STARD3NL: variants seen among roughly 807,000 people sequenced by gnomAD.
STARD3NL encodes the protein STARD3 N-terminal like.
Under a neutral mutation model 30.9 loss-of-function variants are expected in STARD3NL, and 17 were observed. That is an observed-to-expected ratio of 0.55 (90% CI 0.38 to 0.82). The LOEUF (loss-of-function observed/expected upper bound fraction) is 0.82, where lower values mean the gene tolerates loss of function less well. STARD3NL is among the 40% of genes least tolerant of loss of function. The pLI is 0.00. For synonymous variants in STARD3NL, 112 were observed against 100.5 expected, an observed-to-expected ratio of 1.11 and a Z score of -0.69; for missense variants, 234 against 277.6, an observed-to-expected ratio of 0.84 and a Z score of 1.12.
chr7:38,178,875 A>AAAAAG (rs1784131944), intron 1 of STARD3NL, among the ~76,000 whole-genome samples: 1 of 151,728 alleles, frequency 6.6e-6, no homozygotes, highest in Non-Finnish European at 1.5e-5. Context: ...AAAAAAAAAA[A>AAAAAG]AAAGAAAGAA....
rs542779227 is a variant in STARD3NL at position 38,195,126 on chromosome 7, C to T, written c.-58-12321C>T. Among the ~76,000 whole-genome samples, 9 of 152,234 alleles carry T rather than the reference C, an allele frequency of 5.9e-5. No individual in the cohort carries two copies. The East Asian group carries it at 9.6e-4, about 16-fold the overall frequency. On this transcript the variant is annotated intron_variant, in intron 1 of 8. Transcript: ENST00000009041. ...AGGCTGGAGTGCAGTGGCACAGTCT[C>T]GGCTCACTGCAACCTCTGCCTCCCT... is the stretch of plus-strand genomic sequence containing the variant.
chr7:38,194,923 A>G (rs899943747), intron 1 of STARD3NL, among the ~76,000 whole-genome samples: 1 of 152,222 alleles, frequency 6.6e-6, no homozygotes, highest in African/African-American at 2.4e-5. Flanking sequence ...CTAAAAAAGT[A>G]AATGTCAAAA....
At chr7:38,193,694 T>G (rs1295596461) in intron 1 of STARD3NL, among the ~76,000 whole-genome samples, 1 of 152,250 alleles carries the variant, frequency 6.6e-6, no homozygotes, top group African/African-American at 2.4e-5. Flanking sequence ...TTGTGAGGTT[T>G]AAATGACATA....
chr7:38,179,813 A>G (rs1457415340), intron 1 of STARD3NL, among the ~76,000 whole-genome samples: 6 of 152,246 alleles, frequency 3.9e-5, no homozygotes, highest in African/African-American at 1.4e-4. Context: ...AGGAGGTAAC[A>G]CGAGGTGACA....
At chr7:38,206,211 CTCT>C (rs1344380246) in intron 1 of STARD3NL, among the ~76,000 whole-genome samples, 2 of 152,188 alleles carry the variant, frequency 1.3e-5, no homozygotes, top group Non-Finnish European at 2.9e-5. Flanking sequence ...TTTGAAAATC[CTCT>C]TCTTTACCTA....
intron 1 of STARD3NL, among the ~76,000 whole-genome samples, chr7:38,186,636 A>G (rs1192553446): frequency 6.6e-6 from 1 of 152,206 alleles, no homozygotes; most frequent in Non-Finnish European, 1.5e-5. Context: ...ATATGCAAAT[A>G]CTTCTCATTG....
intron 1 of STARD3NL, among the ~76,000 whole-genome samples, 190 bp downstream of exon 1, chr7:38,178,610 A>C (rs995097404): frequency 6.6e-6 from 1 of 152,226 alleles, no homozygotes; most frequent in Admixed American, 6.5e-5. Context: ...CATAATGGAC[A>C]CAAGAGTGAA....
intron 2 of STARD3NL, among the ~76,000 whole-genome samples, chr7:38,211,012 GA>G (rs1785768729): frequency 6.6e-6 from 1 of 152,078 alleles, no homozygotes; most frequent in Non-Finnish European, 1.5e-5. Flanking sequence ...AGATCAAATG[GA>G]AAGATGTATA....
chr7:38,192,873 C>T (rs1423521487), intron 1 of STARD3NL, among the ~76,000 whole-genome samples: 1 of 121,908 alleles, frequency 8.2e-6, no homozygotes, highest in African/African-American at 2.8e-5. Flanking sequence ...ACACTCCTCT[C>T]CTGTTTGTTC....
At chr7:38,178,866 A>AG (rs1480239702) in intron 1 of STARD3NL, among the ~76,000 whole-genome samples, 2 of 149,038 alleles carry the variant, frequency 1.3e-5, no homozygotes, top group Admixed American at 6.6e-5. Flanking sequence ...GTCGTGTTCA[A>AG]AAAAAAAAAA....
At chr7:38,211,419 T>C (rs1351525452) in intron 2 of STARD3NL, among the ~76,000 whole-genome samples, 2 of 152,032 alleles carry the variant, frequency 1.3e-5, no homozygotes, top group Admixed American at 1.3e-4. Context: ...CGCATGGAAG[T>C]ACTGAGGCAG....
intron 7 of STARD3NL, among the ~76,000 whole-genome samples, chr7:38,223,266 G>T (rs906277225): frequency 3.3e-5 from 5 of 152,160 alleles, no homozygotes; most frequent in African/African-American, 1.2e-4. Flanking sequence ...ACTTGTAAAG[G>T]ATATAAAAAT....
rs768601285 is a variant in STARD3NL, at chr7:38,214,996, T to G, written c.304-32T>G. 3.8e-6 allele frequency: 6 copies of G among 1,591,022 alleles called. No individual in the cohort carries two copies. In the South Asian group the frequency reaches 6.7e-5, roughly 18 times the overall value. On this transcript the variant is annotated intron_variant, in intron 3 of 8. Transcript: ENST00000009041. ...AGCTGTGTCATTTTTGTATATATTT[T>G]TTAAAACATCCCTTTATTTTCTTAC...
chr7:38,202,052 A>G (rs2116163652), intron 1 of STARD3NL: 1 of 152,338 alleles, frequency 6.6e-6, no homozygotes, highest in East Asian at 1.9e-4. Context: ...TTACATTCAT[A>G]TTTACTTACT....
intron 1 of STARD3NL, chr7:38,202,084 A>C (rs1562607544): frequency 6.6e-6 from 1 of 152,234 alleles, no homozygotes; most frequent in Non-Finnish European, 1.5e-5. Context: ...AACTCCTAGA[A>C]TTCTGACAGG....
intron 1 of STARD3NL, among the ~76,000 whole-genome samples, chr7:38,197,882 C>A (rs1014914861): frequency 6.6e-6 from 1 of 152,224 alleles, no homozygotes; most frequent in African/African-American, 2.4e-5. Flanking sequence ...CCATTTCCTA[C>A]TTCTAGCTGC....
chr7:38,190,625 C>G (rs761751055), intron 1 of STARD3NL, among the ~76,000 whole-genome samples: 1 of 152,186 alleles, frequency 6.6e-6, no homozygotes. Context: ...TAAGGGCACT[C>G]TCCTGCATAA....
chr7:38,186,979 G>C (rs1193841810), intron 1 of STARD3NL, among the ~76,000 whole-genome samples: 5 of 151,946 alleles, frequency 3.3e-5, no homozygotes, highest in Non-Finnish European at 4.4e-5. Flanking sequence ...GGTAGCTATA[G>C]AGACCCCGTT....
At chr7:38,226,481 C>T (rs1382571188) in intron 7 of STARD3NL, among the ~76,000 whole-genome samples, 1 of 152,206 alleles carries the variant, frequency 6.6e-6, no homozygotes, top group Non-Finnish European at 1.5e-5. Context: ...ATACCTGGAT[C>T]AAGGCTTCCA....
Sources: gnomAD v4.1 joint callset for allele counts (sites outside exome capture counted in the v4.1 genomes callset) on GRCh38, gnomAD v4.1.1 for gene constraint, MANE v1.5 for transcripts, NCBI Gene and HGNC (gene_info 2026-07-23, HGNC 2026-07-21) for gene names.